Variants in ADAM2 observed in about 807,000 individuals in gnomAD.
ADAM2 encodes ADAM metallopeptidase domain 2, also known as disintegrin and metalloproteinase domain-containing protein 2.
ADAM2 carries 101 observed loss-of-function variants against 99.3 expected under a neutral mutation model. The ratio of observed to expected loss-of-function variants is 1.02; its 90% CI spans 0.87 to 1.20. The LOEUF (loss-of-function observed/expected upper bound fraction) is 1.20. Among genes scored for constraint, ADAM2 ranks in the 50% most tolerant of loss-of-function variants. The pLI is 0.00. For synonymous variants in ADAM2, 323 were observed against 287.6 expected (o/e 1.12, Z -1.25); for missense variants, 948 against 878.7 (o/e 1.08, Z -1.00).
intron 11 of ADAM2, among the ~76,000 whole-genome samples, chr8:39,775,220 G>A (rs1387431973): frequency 6.6e-6 from 1 of 152,098 alleles, no homozygotes. Context: ...CTAGGAAAAA[G>A]GCTGGTTGAC....
At chr8:39,786,652 A>T (rs1401240939) in intron 10 of ADAM2, among the ~76,000 whole-genome samples, 1 of 152,138 alleles carries the variant, frequency 6.6e-6, no homozygotes, top group Non-Finnish European at 1.5e-5. Flanking sequence ...TTAGGAAAAC[A>T]TATAAAATCT....
At chr8:39,801,554 G>A (rs998979769) in intron 7 of ADAM2, among the ~76,000 whole-genome samples, 1 of 152,194 alleles carries the variant, frequency 6.6e-6, no homozygotes, top group Admixed American at 6.5e-5. Flanking sequence ...TGGAGAGGGT[G>A]TGTTTTACTA....
intron 6 of ADAM2, among the ~76,000 whole-genome samples, chr8:39,813,279 G>A (rs1804779477): frequency 6.6e-6 from 1 of 152,210 alleles, no homozygotes; most frequent in South Asian, 2.1e-4. Flanking sequence ...AACAGGTGCT[G>A]GAGAGGATGT....
At chr8:39,792,828 T>C (rs1006884040) in intron 7 of ADAM2, among the ~76,000 whole-genome samples, 5 of 152,120 alleles carry the variant, frequency 3.3e-5, no homozygotes, top group African/African-American at 9.7e-5. Flanking sequence ...TCTATGCATG[T>C]TGAGCCCATA....
chr8:39,830,444 T>C (rs565492447), intron 3 of ADAM2, among the ~76,000 whole-genome samples: 52 of 152,256 alleles, frequency 3.4e-4, no homozygotes, highest in African/African-American at 1.1e-3. Flanking sequence ...CAAGAGAGTA[T>C]ATAGAGCTTG....
rs1802664930 is a variant in ADAM2 at position 39,768,847 on chromosome 8, G to C, written c.1212+545C>G. 4.6e-5 allele frequency among the ~76,000 whole-genome samples: 7 copies of C among 152,084 alleles called. No homozygotes were observed. The South Asian group carries it at 1.5e-3, about 32-fold the overall frequency. ...GGGAAAATAGGGAGATGATGGTCAA[G>C]GGGTATAAAATTTCAGTTCTGCAAG... On this transcript the variant is annotated intron_variant, in intron 12 of 20. Coordinates refer to ENST00000265708, the MANE Select transcript of ADAM2 (RefSeq NM_001464.5).
chr8:39,801,919 C>T (rs1804229551), intron 7 of ADAM2, among the ~76,000 whole-genome samples: 1 of 152,122 alleles, frequency 6.6e-6, no homozygotes, highest in Admixed American at 6.5e-5. Flanking sequence ...CCGCCCTTCC[C>T]CCGCCCAGGG....
At chr8:39,761,111 T>G in intron 15 of ADAM2, 65 bp downstream of exon 15, 1 of 1,012,876 alleles carries the variant, frequency 9.9e-7, no homozygotes, top group Non-Finnish European at 1.4e-6. Flanking sequence ...AACTTAATTG[T>G]TTGATGGTAT....
At chr8:39,825,763 G>A (rs62511207) in intron 3 of ADAM2, among the ~76,000 whole-genome samples, 1 of 151,538 alleles carries the variant, frequency 6.6e-6, no homozygotes, top group African/African-American at 2.4e-5. Flanking sequence ...CAATAGAAAA[G>A]GAAAAAAAAG....
chr8:39,784,444 A>G (rs1291001965), intron 10 of ADAM2, among the ~76,000 whole-genome samples: 3 of 152,106 alleles, frequency 2.0e-5, no homozygotes, highest in Admixed American at 6.5e-5. Flanking sequence ...GCAGTGGTGC[A>G]GTCCTGGCTC....
At chr8:39,768,912 A>G (rs1215481238) in intron 12 of ADAM2, among the ~76,000 whole-genome samples, 1 of 152,198 alleles carries the variant, frequency 6.6e-6, no homozygotes, top group Non-Finnish European at 1.5e-5. Context: ...TACAGTTAAC[A>G]ATATTGTATC....
chr8:39,766,494 C>A (rs545399461), intron 14 of ADAM2, among the ~76,000 whole-genome samples: 15 of 149,458 alleles, frequency 1.0e-4, no homozygotes, highest in African/African-American at 3.7e-4. Flanking sequence ...GGCTGGAGTG[C>A]AGTGGCGTGA....
intron 6 of ADAM2, among the ~76,000 whole-genome samples, chr8:39,816,015 G>A (rs1016394588): frequency 6.6e-6 from 1 of 152,076 alleles, no homozygotes; most frequent in Admixed American, 6.6e-5. Context: ...TGTGGAGGAG[G>A]TCAGGCACGG....
At position 39,767,195 on chromosome 8, in the gene ADAM2, G is replaced by A. The variant is rs954204558; in HGVS notation, c.1269C>T (p.Ala423=). The change falls in exon 13 of 21, where the codon GCC becomes GCT. Residue 423 remains alanine (A), a synonymous_variant. Coordinates refer to ENST00000265708, the MANE Select transcript of ADAM2 (RefSeq NM_001464.5). ...ATGGTCCTTCAGCACAGTTTGAACC[G>A]GCTTTAAATCTACATGTGGCAATAT... ...CCDIATCRFK[A]GSNCAEGPCC... 23 of 1,608,092 alleles carry A rather than the reference G, an allele frequency of 1.4e-5. No homozygotes were observed. The highest frequency in any genetic ancestry group is 4.5e-5 in the East Asian group (2 of 44,860).
intron 6 of ADAM2, among the ~76,000 whole-genome samples, chr8:39,820,034 C>G (rs1191530256): frequency 2.0e-5 from 3 of 152,088 alleles, no homozygotes; most frequent in South Asian, 2.1e-4. Flanking sequence ...TAGTTCATGG[C>G]ATGATGTAGC....
At chr8:39,796,689 C>T (rs765987300) in intron 7 of ADAM2, among the ~76,000 whole-genome samples, 30 of 152,142 alleles carry the variant, frequency 2.0e-4, no homozygotes, top group Non-Finnish European at 3.7e-4. Context: ...CTCTCCACAG[C>T]GTCTCCAGCA....
At chr8:39,812,003 T>G (rs1461055991) in intron 6 of ADAM2, among the ~76,000 whole-genome samples, 1 of 152,214 alleles carries the variant, frequency 6.6e-6, no homozygotes, top group Non-Finnish European at 1.5e-5. Context: ...TGTTTGCAGA[T>G]GACATGATTG....
intron 7 of ADAM2, among the ~76,000 whole-genome samples, chr8:39,797,462 G>T (rs901380710): frequency 2.0e-5 from 3 of 151,986 alleles, no homozygotes; most frequent in Non-Finnish European, 2.9e-5. Flanking sequence ...CTTGTAGTAT[G>T]GTTTGAAGTC....
chr8:39,810,054 A>T (rs1366460189), intron 6 of ADAM2, among the ~76,000 whole-genome samples: 1 of 152,212 alleles, frequency 6.6e-6, no homozygotes, highest in African/African-American at 2.4e-5. Context: ...ATGTGCAGAG[A>T]CAAACATAAG....
Sources: gnomAD v4.1 joint callset for allele counts (sites outside exome capture counted in the v4.1 genomes callset) on GRCh38, gnomAD v4.1.1 for gene constraint, MANE v1.5 for transcripts, NCBI Gene and HGNC (gene_info 2026-07-23, HGNC 2026-07-21) for gene names.